The following SLC24A2 variants were observed in gnomAD, a reference collection of about 807,000 sequenced individuals.
The protein encoded by SLC24A2 is solute carrier family 24 member 2.
A neutral mutation model predicts 62.0 loss-of-function variants in SLC24A2; 36 were observed. The observed-to-expected ratio is 0.58, with a 90% CI of 0.44 to 0.77. The LOEUF (loss-of-function observed/expected upper bound fraction) is 0.77, where lower values mean the gene tolerates loss of function less well. Ranked by LOEUF, SLC24A2 falls within the 30% of genes least tolerant of loss-of-function variation. The probability of loss-of-function intolerance (pLI) is 0.00; values close to 1 mark genes in which losing one functional copy is unlikely to be tolerated. For missense variants in SLC24A2, 846 were observed against 817.9 expected (o/e 1.03, Z -0.42); for synonymous variants, 358 against 294.0 (o/e 1.22, Z -2.23).
intron 2 of SLC24A2, among the ~76,000 whole-genome samples, chr9:19,623,463 GT>G (rs1817958923): frequency 6.6e-6 from 1 of 152,136 alleles, no homozygotes; most frequent in Non-Finnish European, 1.5e-5. Flanking sequence ...ATATTAAGAT[GT>G]CCCCACATCT....
chr9:19,577,789 G>A (rs1297399332), intron 5 of SLC24A2, among the ~76,000 whole-genome samples: 8 of 150,456 alleles, frequency 5.3e-5, no homozygotes, highest in African/African-American at 7.3e-5. Context: ...AACCCAAATG[G>A]CCATCAATCA....
intron 1 of SLC24A2, 166 bp downstream of exon 1, chr9:19,788,719 G>A (rs1313279042): frequency 3.0e-6 from 3 of 985,246 alleles, no homozygotes; most frequent in Non-Finnish European, 3.6e-6. Flanking sequence ...TCCACGCCCC[G>A]GAGCACAGAG....
At chr9:19,563,238 C>T (rs145586685) in intron 7 of SLC24A2, among the ~76,000 whole-genome samples, 122 of 152,198 alleles carry the variant, frequency 8.0e-4, no homozygotes, top group Middle Eastern at 3.4e-3. Context: ...ACACACACAC[C>T]GCTTTTCACC....
At chr9:20,235,671 G>T in the SLC24A2 span, among the ~76,000 whole-genome samples, 480 of 152,274 alleles carry the variant, frequency 3.2e-3, 4 homozygotes, top group African/African-American at 0.011. Flanking sequence ...CTGACCCCTT[G>T]TGCTTCCCGG....
intron 7 of SLC24A2, among the ~76,000 whole-genome samples, chr9:19,554,926 C>T (rs368671626): frequency 4.6e-5 from 7 of 152,202 alleles, no homozygotes; most frequent in African/African-American, 1.7e-4. Context: ...CATGCTGTGA[C>T]TGCATTTGCT....
chr9:20,066,022 G>A, the SLC24A2 span, among the ~76,000 whole-genome samples: 1 of 152,138 alleles, frequency 6.6e-6, no homozygotes, highest in African/African-American at 2.4e-5. Context: ...TTAACAAATG[G>A]CTTTAGAAAA....
the SLC24A2 span, among the ~76,000 whole-genome samples, chr9:19,811,278 G>C: frequency 6.6e-6 from 1 of 152,098 alleles, no homozygotes; most frequent in Non-Finnish European, 1.5e-5. Flanking sequence ...CAGACTTCCA[G>C]CCCCTAGATT....
chr9:19,861,477 AAACCT>A, the SLC24A2 span, among the ~76,000 whole-genome samples: 7 of 152,130 alleles, frequency 4.6e-5, no homozygotes, highest in African/African-American at 7.2e-5. Context: ...TGGGCACAAA[AAACCT>A]AGACTGTAAA....
chr9:20,189,639 T>A, the SLC24A2 span, among the ~76,000 whole-genome samples: 1 of 152,194 alleles, frequency 6.6e-6, no homozygotes, highest in African/African-American at 2.4e-5. Flanking sequence ...CTCAACAGCT[T>A]TGAATTTCAC....
At chr9:19,708,193 T>C (rs1445712098) in intron 2 of SLC24A2, among the ~76,000 whole-genome samples, 1 of 152,144 alleles carries the variant, frequency 6.6e-6, no homozygotes, top group Non-Finnish European at 1.5e-5. Flanking sequence ...GAATCCAACT[T>C]ACAGGGGATG....
At chr9:20,098,840 G>C in the SLC24A2 span, among the ~76,000 whole-genome samples, 1 of 152,156 alleles carries the variant, frequency 6.6e-6, no homozygotes. Context: ...TTCTTTACTG[G>C]TACAATGAGT....
At chr9:19,755,927 T>C (rs1457131238) in intron 2 of SLC24A2, among the ~76,000 whole-genome samples, 1 of 146,482 alleles carries the variant, frequency 6.8e-6, no homozygotes, top group Non-Finnish European at 1.5e-5. Flanking sequence ...GGGCTGTAAT[T>C]GGATTTGTAT....
the SLC24A2 span, among the ~76,000 whole-genome samples, chr9:19,893,028 C>T: frequency 6.6e-6 from 1 of 152,156 alleles, no homozygotes; most frequent in African/African-American, 2.4e-5. Flanking sequence ...GAGAAAAATC[C>T]TCTCCATGGT....
chr9:19,544,989 G>T (rs928232728), intron 8 of SLC24A2, among the ~76,000 whole-genome samples: 2 of 152,266 alleles, frequency 1.3e-5, no homozygotes, highest in South Asian at 4.2e-4. Context: ...CTAGGTTGGG[G>T]AACTTCTCCT....
chr9:19,968,839 A>C, the SLC24A2 span, among the ~76,000 whole-genome samples: 1 of 152,232 alleles, frequency 6.6e-6, no homozygotes, highest in African/African-American at 2.4e-5. Flanking sequence ...TTCTGCAGCA[A>C]GGAAATCATT....
At chr9:20,150,778 A>G in the SLC24A2 span, among the ~76,000 whole-genome samples, 185 of 152,086 alleles carry the variant, frequency 1.2e-3, no homozygotes, top group African/African-American at 4.2e-3. Context: ...AATTAAGTTT[A>G]TAAAGAAATT....
chr9:19,623,526 G>A (rs1467167132), intron 2 of SLC24A2, among the ~76,000 whole-genome samples: 1 of 152,118 alleles, frequency 6.6e-6, no homozygotes, highest in Non-Finnish European at 1.5e-5. Flanking sequence ...AAAAAAAATA[G>A]AAGGGATTCT....
the SLC24A2 span, among the ~76,000 whole-genome samples, chr9:20,196,920 A>G: frequency 2.0e-5 from 3 of 152,188 alleles, no homozygotes; most frequent in Non-Finnish European, 2.9e-5. Flanking sequence ...AGTAGAAATC[A>G]TGCTTATATT....
chr9:19,858,131 A>T, the SLC24A2 span, among the ~76,000 whole-genome samples: 4 of 152,222 alleles, frequency 2.6e-5, no homozygotes, highest in South Asian at 2.1e-4. Context: ...TAATCAAAAC[A>T]GCATGTTACT....
Sources: gnomAD v4.1 joint callset for allele counts (sites outside exome capture counted in the v4.1 genomes callset) on GRCh38, gnomAD v4.1.1 for gene constraint, MANE v1.5 for transcripts, NCBI Gene and HGNC (gene_info 2026-07-23, HGNC 2026-07-21) for gene names.